NUTM2E: variants seen among roughly 807,000 people sequenced by gnomAD.
NUTM2E encodes NUT family member 2E.
A neutral mutation model predicts 26.1 loss-of-function variants in NUTM2E; 3 were observed. The observed-to-expected ratio is 0.12, with a 90% CI of 0.05 to 0.30. The LOEUF (loss-of-function observed/expected upper bound fraction) is 0.30, where lower values mean the gene tolerates loss of function less well. Ranked by LOEUF, NUTM2E falls within the 10% of genes least tolerant of loss-of-function variation. The probability of loss-of-function intolerance (pLI) is 1.00; values close to 1 mark genes in which losing one functional copy is unlikely to be tolerated. For missense variants in NUTM2E, 62 were observed against 381.3 expected (o/e 0.16, Z 6.97); for synonymous variants, 13 against 157.5 (o/e 0.08, Z 6.87).
intron 1 of NUTM2E, among the ~76,000 whole-genome samples, chr10:79,832,163 A>G (rs553713266): frequency 9.8e-4 from 149 of 152,154 alleles, no homozygotes; most frequent in African/African-American, 3.4e-3. Flanking sequence ...TTGAAGGCAC[A>G]TAGACATTCA....
chr10:79,834,070 A>T (rs1156494418), intron 1 of NUTM2E, among the ~76,000 whole-genome samples: 2 of 151,780 alleles, frequency 1.3e-5, no homozygotes, highest in Non-Finnish European at 2.9e-5. Context: ...AGGGATGTGG[A>T]TGAAGCTGGA....
rs1327152219 is a variant in NUTM2E at position 79,838,352 on chromosome 10, T to C, written c.-2684T>C. ...AATCAGTGTATTAGAACATGCATGC[T>C]GGCTGATCATTCTGATCAAGTCAAC... On this transcript the variant is annotated 5_prime_UTR_variant, in exon 2 of 10. Coordinates refer to ENST00000429984, the MANE Select transcript of NUTM2E (RefSeq NM_001355263.2). Among the ~76,000 whole-genome samples the C allele has an allele frequency of 1.2e-5, 1 of 85,940 alleles. No individual in the cohort carries two copies. The allele number at this position is 85,940 out of a possible 152,430, so 56.4% of individuals were successfully genotyped here.
At chr10:79,828,305 A>T (rs1388265135) in intron 1 of NUTM2E, among the ~76,000 whole-genome samples, 1 of 151,948 alleles carries the variant, frequency 6.6e-6, no homozygotes, top group Non-Finnish European at 1.5e-5. Context: ...TAGGAGCCTA[A>T]CACGATAATG....
intron 1 of NUTM2E, among the ~76,000 whole-genome samples, chr10:79,834,581 T>G (rs1841948940): frequency 6.9e-6 from 1 of 145,256 alleles, no homozygotes; most frequent in Non-Finnish European, 1.5e-5. Context: ...GGTAGGAGAG[T>G]CGCTTGAACC....
At chr10:79,838,703 C>G (rs1215246569) in intron 2 of NUTM2E, among the ~76,000 whole-genome samples, 77 bp from the exon 3 acceptor site, 1 of 151,894 alleles carries the variant, frequency 6.6e-6, no homozygotes, top group Non-Finnish European at 1.5e-5. Context: ...TGTGGGGTCG[C>G]CCCGCGGACA....
At chr10:79,837,544 G>C (rs1230463569) in intron 1 of NUTM2E, among the ~76,000 whole-genome samples, 1 of 152,146 alleles carries the variant, frequency 6.6e-6, no homozygotes, top group Non-Finnish European at 1.5e-5. Flanking sequence ...GTTAACACAT[G>C]TCACGGCTAA....
At chr10:79,834,026 C>A (rs1841944963) in intron 1 of NUTM2E, among the ~76,000 whole-genome samples, 1 of 151,772 alleles carries the variant, frequency 6.6e-6, no homozygotes, top group Admixed American at 6.6e-5. Flanking sequence ...GAATGCTATG[C>A]AGCCATAAAA....
intron 1 of NUTM2E, among the ~76,000 whole-genome samples, chr10:79,837,781 T>C (rs1164392439): frequency 1.3e-5 from 2 of 151,996 alleles, no homozygotes; most frequent in South Asian, 2.1e-4. Context: ...CTTTCATGCA[T>C]AGATATTTGT....
intron 1 of NUTM2E, among the ~76,000 whole-genome samples, chr10:79,831,579 T>C (rs1199686362): frequency 2.7e-4 from 41 of 151,988 alleles, no homozygotes; most frequent in Non-Finnish European, 4.4e-4. Flanking sequence ...TCAGACCATA[T>C]TGCATGTTCT....
Position 79,827,357 on chromosome 10 carries a change from G to T in NUTM2E, c.-2728G>T, listed in dbSNP as rs1841891323. ...ACAACTTTTTTGAAAGAAATTTGGG[G>T]GTAAATTTAATTTTAAATACTGATT... On this transcript the variant is annotated splice_region_variant and 5_prime_UTR_variant, in exon 1 of 10. Transcript: ENST00000429984. 6.6e-6 allele frequency: 1 copy of T among 152,494 alleles called. No homozygotes were observed. The highest frequency in any genetic ancestry group is 1.5e-5 in the Non-Finnish European group (1 of 67,944). The allele number at this position is 152,494 out of a possible 1,614,324, so 9.4% of individuals were successfully genotyped here.
chr10:79,834,504 C>A (rs1160508954), intron 1 of NUTM2E, among the ~76,000 whole-genome samples: 1 of 151,108 alleles, frequency 6.6e-6, no homozygotes, highest in Non-Finnish European at 1.5e-5. Flanking sequence ...AATTCAAGAC[C>A]AGCCTGGGCA....
Position 79,840,408 on chromosome 10 carries a change from C to CCAGACAGA in NUTM2E, c.-1329_-1322dup, listed in dbSNP as rs1365546992. On this transcript the variant is annotated 5_prime_UTR_variant, in exon 4 of 10. An upstream open reading frame in the 5' UTR loses its in-frame stop. Transcript: ENST00000429984. ...CAGAGGACAAAAGGCCTGGGAGCACCCAGACAGACAGTCACTGCATGGAGG... is the reference window on the plus strand; with the variant it reads ...CAGAGGACAAAAGGCCTGGGAGCACCCAGACAGACAGACAGACAGTCACTGCATGGAGG... Among the ~76,000 whole-genome samples, 2 of 144,286 alleles carry CCAGACAGA rather than the reference C, an allele frequency of 1.4e-5. No individual in the cohort carries two copies. The highest frequency in any genetic ancestry group is 3.0e-5 in the Non-Finnish European group (2 of 66,106). The allele number at this position is 144,286 out of a possible 152,430, so 94.7% of individuals were successfully genotyped here.
intron 1 of NUTM2E, among the ~76,000 whole-genome samples, chr10:79,828,085 G>A (rs1841900487): frequency 6.6e-6 from 1 of 151,512 alleles, no homozygotes; most frequent in African/African-American, 2.4e-5. Flanking sequence ...GTGAGCCACC[G>A]TGCCCGGCCG....
At chr10:79,835,400 T>C (rs1227972195) in intron 1 of NUTM2E, among the ~76,000 whole-genome samples, 2 of 144,576 alleles carry the variant, frequency 1.4e-5, no homozygotes, top group African/African-American at 5.0e-5. Flanking sequence ...GAATCTGAAA[T>C]AGAAGCTTGA....
chr10:79,834,059 C>T lies in NUTM2E; in HGVS notation c.-2727-4250C>T, dbSNP rs11196451. On this transcript the variant is annotated intron_variant, in intron 1 of 9. Coordinates refer to ENST00000429984, the MANE Select transcript of NUTM2E (RefSeq NM_001355263.2). ...AAAAAGAATGAGTTCATGTTCTTTG[C>T]AGGGATGTGGATGAAGCTGGAAACC... Among the ~76,000 whole-genome samples the T allele has an allele frequency of 4.1e-4, 62 of 151,760 alleles. 1 individual carries two copies. In the East Asian group the frequency reaches 0.011, roughly 26 times the overall value.
At chr10:79,834,214 G>A (rs530900577) in intron 1 of NUTM2E, among the ~76,000 whole-genome samples, 4 of 151,518 alleles carry the variant, frequency 2.6e-5, no homozygotes, top group South Asian at 2.1e-4. Flanking sequence ...GTCGCGGGGT[G>A]GGGGGCAAGG....
At chr10:79,845,168 A>G (rs1300570649) in intron 5 of NUTM2E, among the ~76,000 whole-genome samples, 1 of 111,608 alleles carries the variant, frequency 9.0e-6, no homozygotes, top group Admixed American at 8.4e-5. Context: ...TCCTGGTGTG[A>G]CGTGAGCTAC....
chr10:79,832,366 C>T (rs397833480), intron 1 of NUTM2E, among the ~76,000 whole-genome samples: 2 of 151,556 alleles, frequency 1.3e-5, no homozygotes, highest in African/African-American at 2.4e-5. Flanking sequence ...GTAGAAGCAG[C>T]GGATTGAGAA....
intron 1 of NUTM2E, among the ~76,000 whole-genome samples, chr10:79,834,815 T>TACACACACAC (rs71925965): frequency 2.1e-5 from 3 of 145,872 alleles, no homozygotes; most frequent in African/African-American, 7.6e-5. Flanking sequence ...ACAGAATACC[T>TACACACACAC]ACACACACAC....
Sources: allele counts gnomAD v4.1 joint callset (sites outside exome capture counted in the v4.1 genomes callset), GRCh38; gene constraint gnomAD v4.1.1; transcripts MANE v1.5; gene names NCBI Gene and HGNC (gene_info 2026-07-23, HGNC 2026-07-21).